PLEKHH2: variants seen among roughly 807,000 people sequenced by gnomAD.
PLEKHH2 encodes the protein pleckstrin homology, MyTH4 and FERM domain containing H2.
PLEKHH2 carries 129 observed loss-of-function variants against 187.9 expected under a neutral mutation model. The ratio of observed to expected loss-of-function variants is 0.69; its 90% CI spans 0.59 to 0.79. PLEKHH2 has a LOEUF of 0.79. Ranked by LOEUF, PLEKHH2 falls within the 30% of genes least tolerant of loss-of-function variation. The probability of loss-of-function intolerance (pLI) is 0.00; values close to 1 mark genes in which losing one functional copy is unlikely to be tolerated. For missense variants in PLEKHH2, 2,076 were observed against 1,751.2 expected (o/e 1.19, Z -3.31); for synonymous variants, 686 against 605.6 (o/e 1.13, Z -1.95).
intron 27 of PLEKHH2, among the ~76,000 whole-genome samples, chr2:43,760,339 A>G (rs995035544): frequency 1.3e-5 from 2 of 150,522 alleles, no homozygotes; most frequent in South Asian, 4.2e-4. Flanking sequence ...AAATACACAT[A>G]ATGAAATTTA....
At chr2:43,744,701 C>A (rs2104601787) in intron 23 of PLEKHH2, among the ~76,000 whole-genome samples, 1 of 151,590 alleles carries the variant, frequency 6.6e-6, no homozygotes, top group South Asian at 2.1e-4. Flanking sequence ...AAACCCATCT[C>A]TACTAAAAAT....
chr2:43,719,718 G>A (rs1558557374), intron 15 of PLEKHH2, among the ~76,000 whole-genome samples: 2 of 152,198 alleles, frequency 1.3e-5, no homozygotes, highest in Non-Finnish European at 2.9e-5. Flanking sequence ...GATTACAGGC[G>A]TGAGCCACCG....
At chr2:43,677,850 C>G (rs1413082795) in intron 2 of PLEKHH2, among the ~76,000 whole-genome samples, 1 of 147,948 alleles carries the variant, frequency 6.8e-6, no homozygotes, top group Non-Finnish European at 1.5e-5. Flanking sequence ...CACCTCCCTC[C>G]CGGACGGGGC....
chr2:43,653,837 G>A (rs1272599262), intron 2 of PLEKHH2, among the ~76,000 whole-genome samples: 1 of 151,884 alleles, frequency 6.6e-6, no homozygotes, highest in Admixed American at 6.5e-5. Flanking sequence ...GGAAAAAAAA[G>A]ACAGGAAAGG....
intron 4 of PLEKHH2, 30 bp downstream of exon 4, chr2:43,692,693 G>T (rs1668866127): frequency 1.3e-6 from 2 of 1,594,146 alleles, no homozygotes; most frequent in Admixed American, 1.8e-5. Flanking sequence ...AGAGTTCTAA[G>T]TGTGTGCACT....
intron 27 of PLEKHH2, among the ~76,000 whole-genome samples, chr2:43,761,018 C>A (rs953370188): frequency 1.3e-5 from 2 of 152,018 alleles, no homozygotes; most frequent in Non-Finnish European, 2.9e-5. Context: ...ATATATATAC[C>A]ACATTTTGTT....
intron 3 of PLEKHH2, chr2:43,681,162 GA>G (rs1335782303): frequency 1.4e-6 from 1 of 713,366 alleles, no homozygotes; most frequent in Non-Finnish European, 2.4e-6. Context: ...ATGCCACTCA[GA>G]ACATCCTTTT....
At chr2:43,727,961 C>T (rs183441241) in intron 17 of PLEKHH2, among the ~76,000 whole-genome samples, 3 of 152,048 alleles carry the variant, frequency 2.0e-5, no homozygotes, top group South Asian at 2.1e-4. Context: ...ATCAAAGATG[C>T]GCACATTTAA....
chr2:43,753,974 C>G (rs191930513), intron 25 of PLEKHH2, among the ~76,000 whole-genome samples: 2 of 152,062 alleles, frequency 1.3e-5, no homozygotes, highest in East Asian at 3.9e-4. Flanking sequence ...TAAAGAGAAC[C>G]CAGTTTCTTA....
In PLEKHH2 at chr2:43,697,285, T is replaced by G; in HGVS notation, c.617T>G (p.Val206Gly). ...TCTCGAGCAAGGAGTCCTCCTCAAG[T>G]AGTAAAATCTGAGGAAATGAGCAAG... The part of the protein sequence containing the change: ...FLSRARSPPQ[V>G]VKSEEMSKIS... The change falls in exon 7 of 30, where the codon GTA becomes GGA. Residue 206 changes from valine (V) to glycine (G), a missense_variant. Physicochemically the swap from Val to Gly is moderately radical, Grantham distance 109. Coordinates refer to ENST00000282406, the MANE Select transcript of PLEKHH2 (RefSeq NM_172069.4). 6.2e-7 allele frequency: 1 copy of G among 1,613,938 alleles called. No individual in the cohort carries two copies. Among genetic ancestry groups the G allele is most frequent in the Non-Finnish European group, 8.5e-7 (1 of 1,179,830 alleles).
At chr2:43,741,163 T>C in intron 21 of PLEKHH2, 120 bp downstream of exon 21, 1 of 833,570 alleles carries the variant, frequency 1.2e-6, no homozygotes. Flanking sequence ...CAAATATTGG[T>C]ACAGGAAGCC....
intron 9 of PLEKHH2, among the ~76,000 whole-genome samples, chr2:43,705,297 C>T (rs1669604796): frequency 7.9e-6 from 1 of 126,684 alleles, no homozygotes; most frequent in Admixed American, 9.3e-5. Flanking sequence ...ACTCTGTCAC[C>T]CAGGTGGGAG....
intron 2 of PLEKHH2, among the ~76,000 whole-genome samples, chr2:43,671,616 G>C (rs1478940006): frequency 1.3e-5 from 2 of 152,032 alleles, no homozygotes; most frequent in Non-Finnish European, 2.9e-5. Context: ...CCTTTTATTA[G>C]GTATCAGAAA....
At chr2:43,654,847 T>C (rs898894605) in intron 2 of PLEKHH2, among the ~76,000 whole-genome samples, 1 of 151,832 alleles carries the variant, frequency 6.6e-6, no homozygotes, top group Non-Finnish European at 1.5e-5. Flanking sequence ...GACAACATGG[T>C]GAAACCCCAT....
intron 19 of PLEKHH2, among the ~76,000 whole-genome samples, chr2:43,735,686 C>T (rs1453045876): frequency 6.6e-6 from 1 of 152,126 alleles, no homozygotes. Flanking sequence ...AATTCATATG[C>T]TCCAATAATA....
intron 6 of PLEKHH2, 68 bp from the exon 7 acceptor site, chr2:43,697,103 C>G (rs777136229): frequency 2.3e-6 from 3 of 1,315,690 alleles, no homozygotes; most frequent in Non-Finnish European, 3.1e-6. Flanking sequence ...TTTTTATATG[C>G]CTTGGTTCTA....
chr2:43,699,883 C>T lies in PLEKHH2; in HGVS notation c.925C>T (p.His309Tyr), dbSNP rs763341815. Residue 309 changes from histidine to tyrosine, a missense_variant, in exon 8 of 30, where the codon CAC becomes TAC. By Grantham distance (83) the His-to-Tyr change is moderately conservative. Coordinates refer to ENST00000282406, the MANE Select transcript of PLEKHH2 (RefSeq NM_172069.4). ...KSRCTSTLSS[H>Y]TSEEGVQCSR... ...CAGATGCACATCCACCCTCTCCAGTCACACATCTGAGGAAGGGGTCCAGTG... is the reference window on the plus strand; with the variant it reads ...CAGATGCACATCCACCCTCTCCAGTTACACATCTGAGGAAGGGGTCCAGTG... 1.9e-6 allele frequency: 3 copies of T among 1,613,938 alleles called. No homozygotes were observed. The highest frequency in any genetic ancestry group is 2.7e-5 in the African/African-American group (2 of 74,904).
Position 43,679,355 on chromosome 2 carries a change from T to A in PLEKHH2, c.186+430T>A, listed in dbSNP as rs1668040347. Among the ~76,000 whole-genome samples, 3 of 152,040 alleles carry A rather than the reference T, an allele frequency of 2.0e-5. No individual in the cohort carries two copies. The South Asian group carries it at 6.2e-4, about 31-fold the overall frequency. Reference sequence around the variant, plus strand: ...AAATAATTGTTTCTAAGGATTTGCATTAATATGTAAAAATGCTTAGAGTTG... The same window carrying A: ...AAATAATTGTTTCTAAGGATTTGCAATAATATGTAAAAATGCTTAGAGTTG... On this transcript the variant is annotated intron_variant, in intron 3 of 29. Transcript: ENST00000282406.
At chr2:43,722,891 G>A (rs1385141826) in intron 16 of PLEKHH2, among the ~76,000 whole-genome samples, 1 of 152,088 alleles carries the variant, frequency 6.6e-6, no homozygotes, top group Admixed American at 6.6e-5. Flanking sequence ...TATAACAACT[G>A]GAAAAGTATT....
Sources: allele counts gnomAD v4.1 joint callset (sites outside exome capture counted in the v4.1 genomes callset), GRCh38; gene constraint gnomAD v4.1.1; transcripts MANE v1.5; gene names NCBI Gene and HGNC (gene_info 2026-07-23, HGNC 2026-07-21).